The following AKAP13 variants were observed in gnomAD, a reference collection of about 807,000 sequenced individuals.
The protein encoded by AKAP13 is A-kinase anchoring protein 13.
Under a neutral mutation model 264.5 loss-of-function variants are expected in AKAP13, and 80 were observed. That is an observed-to-expected ratio of 0.30 (90% CI 0.25 to 0.36). AKAP13 has a LOEUF of 0.36. AKAP13 is among the 10% of genes least tolerant of loss of function. The pLI is 1.00. For synonymous variants in AKAP13, 1,380 were observed against 1,250.2 expected (o/e 1.10, Z -2.19); for missense variants, 3,712 against 3,435.2 (o/e 1.08, Z -2.01).
intron 16 of AKAP13, among the ~76,000 whole-genome samples, chr15:85,688,770 C>T (rs71397895): frequency 0.013 from 2,004 of 152,170 alleles, 28 homozygotes; most frequent in Middle Eastern, 0.024. Context: ...GAATTATCAC[C>T]GACTGGCATA....
At chr15:85,712,958 T>C (rs895856523) in intron 19 of AKAP13, among the ~76,000 whole-genome samples, 8 of 152,256 alleles carry the variant, frequency 5.3e-5, no homozygotes, top group African/African-American at 1.9e-4. Flanking sequence ...GCTTAAGAGC[T>C]GTGTAACTGG....
Position 85,533,693 on chromosome 15 carries a change from T to C in AKAP13, c.291T>C (p.Tyr97=). 2 of 1,614,216 alleles carry C rather than the reference T, an allele frequency of 1.2e-6. No homozygotes were observed. The highest frequency in any genetic ancestry group is 1.7e-6 in the Non-Finnish European group (2 of 1,180,016). The change falls in exon 4 of 37, where the codon TAT becomes TAC. Residue 97 remains tyrosine, a synonymous_variant. Transcript: ENST00000394518. ...TTCATTTCGTCCAGGATGAAGCGTA[T>C]GATGCAGCTCAATTCCTAGCAACCA... ...EDFHFVQDEA[Y]DAAQFLATSA... is the part of the protein sequence containing the mutation.
chr15:85,399,521 AATAAAAAAATAAAAAAAT>A (rs1287633493), intron 1 of AKAP13, among the ~76,000 whole-genome samples: 17 of 100,590 alleles, frequency 1.7e-4, no homozygotes, highest in Non-Finnish European at 2.8e-4. Flanking sequence ...AAAAAAAAAA[AATAAAAAAATAAAAAAAT>A]AAATAAATAA....
At chr15:85,662,289 T>A (rs774413566) in intron 12 of AKAP13, 13 of 1,182,982 alleles carry the variant, frequency 1.1e-5, no homozygotes, top group African/African-American at 1.5e-5. Context: ...TAAATCCGTC[T>A]GTCTCTAACT....
At position 85,719,165 on chromosome 15, in the gene AKAP13, G is replaced by A. The variant is rs2087133228; in HGVS notation, c.6091G>A (p.Glu2031Lys). ...SQGMMADLLF[E>K]QQMVEKLFPC... ...GGGGATGATGGCGGATCTGCTTTTT[G>A]AGCAGCAGATGGTAGAAAAGCTGTT... The change falls in exon 23 of 37, where the codon GAG becomes AAG. Residue 2031 changes from glutamate to lysine, a missense_variant. Physicochemically the swap from Glu to Lys is moderately conservative, Grantham distance 56 (BLOSUM62 1). Transcript: ENST00000394518. 6.2e-7 allele frequency: 1 copy of A among 1,614,082 alleles called. No individual in the cohort carries two copies. The highest frequency in any genetic ancestry group is 8.5e-7 in the Non-Finnish European group (1 of 1,180,046).
intron 8 of AKAP13, among the ~76,000 whole-genome samples, chr15:85,622,892 C>T (rs2081257458): frequency 6.6e-6 from 1 of 152,074 alleles, no homozygotes. Context: ...TTGATATAAG[C>T]GTATGTGTTC....
At chr15:85,484,721 G>A (rs1406106811) in intron 1 of AKAP13, among the ~76,000 whole-genome samples, 1 of 152,202 alleles carries the variant, frequency 6.6e-6, no homozygotes, top group Non-Finnish European at 1.5e-5. Context: ...AGTTAGGCAT[G>A]GCTAGGCTAC....
At chr15:85,680,500 A>T (rs536013059) in intron 14 of AKAP13, among the ~76,000 whole-genome samples, 4 of 152,336 alleles carry the variant, frequency 2.6e-5, no homozygotes, top group Admixed American at 2.6e-4. Context: ...AAGGAAAAAA[A>T]TACGGAAGGC....
chr15:85,484,419 A>G (rs970677195), intron 1 of AKAP13, among the ~76,000 whole-genome samples: 1 of 152,042 alleles, frequency 6.6e-6, no homozygotes, highest in Non-Finnish European at 1.5e-5. Flanking sequence ...GCCCTGAGCC[A>G]GGAGGTCTGT....
At chr15:85,426,955 G>GTTTTTTTTTTTTT (rs71468105) in intron 1 of AKAP13, among the ~76,000 whole-genome samples, 2 of 125,088 alleles carry the variant, frequency 1.6e-5, no homozygotes, top group Admixed American at 8.5e-5. Flanking sequence ...GTTTTGTTTT[G>GTTTTTTTTTTTTT]TTTTTTTTTT....
Position 85,579,779 on chromosome 15 carries a change from T to C in AKAP13, c.1711T>C (p.Ser571Pro). The change falls in exon 7 of 37, where the codon TCA (serine) becomes CCA (proline). Residue 571 changes from serine (S) to proline (P), a missense_variant. By Grantham distance (74) the Ser-to-Pro change is moderately conservative. Transcript: ENST00000394518. ...TGAAAAAACAGCAGAAACGGAAACTTCACGAAGTCGTGAGGAGAGTGCTGA... is the reference window on the plus strand; with the variant it reads ...TGAAAAAACAGCAGAAACGGAAACTCCACGAAGTCGTGAGGAGAGTGCTGA... Reference protein sequence around the residue: ...STEKTAETETSRSREESADAP... With the variant: ...STEKTAETETPRSREESADAP... 5.6e-6 allele frequency: 9 copies of C among 1,614,194 alleles called. No homozygotes were observed. The highest frequency in any genetic ancestry group is 7.6e-6 in the Non-Finnish European group (9 of 1,180,036).
chr15:85,546,325 C>T (rs879497551), intron 5 of AKAP13, among the ~76,000 whole-genome samples: 1,292 of 115,232 alleles, frequency 0.011, 8 homozygotes, highest in Admixed American at 0.018. Flanking sequence ...TTACCAAACA[C>T]ACACACACAC....
chr15:85,424,525 G>A (rs8028961), intron 1 of AKAP13, among the ~76,000 whole-genome samples: 5,872 of 152,292 alleles, frequency 0.039, 136 homozygotes, highest in South Asian at 0.077. Context: ...TTAAGGGAAC[G>A]TTGTGGCTGG....
chr15:85,699,098 A>G (rs2085748999), intron 17 of AKAP13, among the ~76,000 whole-genome samples: 1 of 152,104 alleles, frequency 6.6e-6, no homozygotes, highest in Admixed American at 6.6e-5. Flanking sequence ...AGTAAATAGA[A>G]CAATATATAC....
chr15:85,671,455 A>AG (rs1459016870), intron 14 of AKAP13, among the ~76,000 whole-genome samples: 6 of 134,252 alleles, frequency 4.5e-5, no homozygotes, highest in Admixed American at 8.8e-5. Context: ...AAAAAAAAAA[A>AG]AAAGAGAGAG....
chr15:85,719,498 G>A (rs574674747), intron 23 of AKAP13, among the ~76,000 whole-genome samples, 172 bp downstream of exon 23: 2 of 152,304 alleles, frequency 1.3e-5, no homozygotes, highest in South Asian at 4.1e-4. Context: ...AATGCAGACA[G>A]TAGGGTTTCT....
At chr15:85,706,234 C>G (rs999370645) in intron 17 of AKAP13, among the ~76,000 whole-genome samples, 11 of 152,070 alleles carry the variant, frequency 7.2e-5, no homozygotes, top group African/African-American at 2.7e-4. Context: ...ATGCCAGCTG[C>G]AAGTCCTGGG....
intron 16 of AKAP13, chr15:85,685,094 T>C (rs985310718): frequency 4.2e-6 from 2 of 478,068 alleles, no homozygotes; most frequent in African/African-American, 4.0e-5. Context: ...GTGCTTTCCA[T>C]ATATTATTTA....
chr15:85,439,986 TA>T (rs2073561320), intron 1 of AKAP13, among the ~76,000 whole-genome samples: 1 of 150,948 alleles, frequency 6.6e-6, no homozygotes, highest in Non-Finnish European at 1.5e-5. Flanking sequence ...ATAATAATAA[TA>T]ATAATAATAA....
Sources: gnomAD v4.1 joint callset for allele counts (sites outside exome capture counted in the v4.1 genomes callset) on GRCh38, gnomAD v4.1.1 for gene constraint, MANE v1.5 for transcripts, NCBI Gene and HGNC (gene_info 2026-07-23, HGNC 2026-07-21) for gene names.